The following BLTP1 variants were observed in gnomAD, a reference collection of about 807,000 sequenced individuals.
BLTP1 encodes bridge-like lipid transfer protein family member 1.
the BLTP1 span, chr4:122,209,355 G>T: frequency 6.2e-7 from 1 of 1,607,930 alleles, no homozygotes; most frequent in Non-Finnish European, 8.5e-7. Context: ...CGTAAAATTA[G>T]TGACACAGGC....
At chr4:122,152,985 C>T in the BLTP1 span, 1 of 985,140 alleles carries the variant, frequency 1.0e-6, no homozygotes, top group Non-Finnish European at 1.2e-6. Context: ...TGACCGAGGG[C>T]GGGGAAGCCT....
the BLTP1 span, among the ~76,000 whole-genome samples, chr4:122,277,312 G>T: frequency 6.6e-6 from 1 of 152,126 alleles, no homozygotes; most frequent in Non-Finnish European, 1.5e-5. Flanking sequence ...CTGCACTCCA[G>T]CCTGGGCAAC....
chr4:122,294,027 G>A, the BLTP1 span, among the ~76,000 whole-genome samples: 15 of 152,242 alleles, frequency 9.9e-5, no homozygotes, highest in East Asian at 5.8e-4. Flanking sequence ...GTGGGACTCC[G>A]GTCCATCCCT....
the BLTP1 span, chr4:122,262,635 A>T: frequency 3.7e-6 from 4 of 1,074,728 alleles, no homozygotes; most frequent in African/African-American, 4.8e-5. Flanking sequence ...CCTAGTATAC[A>T]TGATCAGTTT....
At chr4:122,169,286 G>T in the BLTP1 span, among the ~76,000 whole-genome samples, 1 of 152,152 alleles carries the variant, frequency 6.6e-6, no homozygotes, top group African/African-American at 2.4e-5. Context: ...AAAGATAAGA[G>T]TTGTGGTGAA....
At chr4:122,239,975 T>C in the BLTP1 span, 1 of 1,614,114 alleles carries the variant, frequency 6.2e-7, no homozygotes, top group Non-Finnish European at 8.5e-7. Context: ...ACAGTAGGGG[T>C]TCCATATATC....
the BLTP1 span, chr4:122,340,553 C>A: frequency 5.5e-6 from 1 of 181,670 alleles, no homozygotes; most frequent in Admixed American, 6.5e-5. Flanking sequence ...GAAATTATAT[C>A]TCTTAACACA....
chr4:122,254,535 A>G, the BLTP1 span: 2 of 939,586 alleles, frequency 2.1e-6, no homozygotes, highest in African/African-American at 1.8e-5. Flanking sequence ...AATTTCTTTC[A>G]TAGTACTTTA....
At chr4:122,347,372 A>T in the BLTP1 span, 5 of 1,291,622 alleles carry the variant, frequency 3.9e-6, no homozygotes, top group Non-Finnish European at 5.2e-6. Context: ...GTTCTTTGCA[A>T]ACTGTAAATT....
At chr4:122,333,901 A>C in the BLTP1 span, 24 of 1,452,512 alleles carry the variant, frequency 1.7e-5, no homozygotes, top group East Asian at 5.9e-4. Flanking sequence ...TCATTATATT[A>C]AAATGAGACT....
the BLTP1 span, among the ~76,000 whole-genome samples, chr4:122,278,683 G>A: frequency 1.3e-5 from 2 of 152,214 alleles, no homozygotes; most frequent in African/African-American, 4.8e-5. Flanking sequence ...CCATGCGGGA[G>A]TGCAGTGGTG....
At chr4:122,230,184 T>C in the BLTP1 span, 1 of 1,613,988 alleles carries the variant, frequency 6.2e-7, no homozygotes, top group Non-Finnish European at 8.5e-7. Flanking sequence ...AGACATTTCT[T>C]AGAAACTCAT....
the BLTP1 span, chr4:122,355,720 GT>G: frequency 7.0e-7 from 1 of 1,430,046 alleles, no homozygotes; most frequent in Admixed American, 2.5e-5. Flanking sequence ...GTATATTATA[GT>G]TGTCTTGAAA....
chr4:122,259,998 TAATGAC>T, the BLTP1 span: 2 of 702,012 alleles, frequency 2.8e-6, no homozygotes, highest in Non-Finnish European at 3.5e-6. Context: ...ATGCATCACT[TAATGAC>T]AGGGATGATG....
the BLTP1 span, among the ~76,000 whole-genome samples, chr4:122,327,422 T>A: frequency 1.3e-5 from 2 of 151,950 alleles, no homozygotes; most frequent in Non-Finnish European, 2.9e-5. Flanking sequence ...TGTATTATTT[T>A]TTATTGTACT....
chr4:122,201,025 G>A, the BLTP1 span: 2 of 1,612,236 alleles, frequency 1.2e-6, no homozygotes, highest in Non-Finnish European at 1.7e-6. Flanking sequence ...ATCAATGCCA[G>A]CTACCCCCGA....
the BLTP1 span, among the ~76,000 whole-genome samples, chr4:122,260,326 G>A: frequency 6.6e-6 from 1 of 152,116 alleles, no homozygotes; most frequent in Non-Finnish European, 1.5e-5. Context: ...GCACATGACT[G>A]TATTGTAAAC....
the BLTP1 span, chr4:122,281,969 A>G: frequency 7.1e-6 from 7 of 984,900 alleles, no homozygotes; most frequent in Non-Finnish European, 8.4e-6. Context: ...GAATGACCAG[A>G]ATGAACTCTT....
At chr4:122,266,839 A>C in the BLTP1 span, 9 of 1,611,080 alleles carry the variant, frequency 5.6e-6, no homozygotes, top group Non-Finnish European at 6.8e-6. Flanking sequence ...ATACAATGCC[A>C]TTCTGCTACC....
Sources: allele counts gnomAD v4.1 joint callset (sites outside exome capture counted in the v4.1 genomes callset), GRCh38; gene constraint gnomAD v4.1.1; transcripts MANE v1.5; gene names NCBI Gene and HGNC (gene_info 2026-07-23, HGNC 2026-07-21).